SGCD: variants seen among roughly 807,000 people sequenced by gnomAD.
The protein encoded by SGCD is sarcoglycan delta.
SGCD carries 18 observed loss-of-function variants against 36.6 expected under a neutral mutation model. That is an observed-to-expected ratio of 0.49 (90% CI 0.34 to 0.73). The LOEUF (loss-of-function observed/expected upper bound fraction) is 0.73, where lower values mean the gene tolerates loss of function less well. Ranked by LOEUF, SGCD falls within the 30% of genes least tolerant of loss-of-function variation. The pLI is 0.01. For synonymous variants in SGCD, 133 were observed against 130.6 expected (o/e 1.02, Z -0.12); for missense variants, 387 against 346.7 (o/e 1.12, Z -0.92).
chr5:156,334,515 C>T (rs1768225725), intron 2 of SGCD, among the ~76,000 whole-genome samples: 1 of 151,508 alleles, frequency 6.6e-6, no homozygotes, highest in Admixed American at 6.6e-5. Flanking sequence ...AGTCTTTGTT[C>T]AACTATAGCC....
At chr5:156,737,258 A>T (rs1429605926) in intron 7 of SGCD, among the ~76,000 whole-genome samples, 4 of 152,082 alleles carry the variant, frequency 2.6e-5, no homozygotes, top group Non-Finnish European at 4.4e-5. Context: ...AAATAGTGGC[A>T]GTTTTCAGGT....
intron 4 of SGCD, among the ~76,000 whole-genome samples, chr5:156,540,304 CTT>C (rs1270375033): frequency 3.3e-5 from 5 of 152,042 alleles, no homozygotes; most frequent in Non-Finnish European, 5.9e-5. Flanking sequence ...TTATTTGTCA[CTT>C]ATTTTTTTTA....
At chr5:156,653,320 G>A (rs1763535219) in intron 7 of SGCD, among the ~76,000 whole-genome samples, 1 of 151,718 alleles carries the variant, frequency 6.6e-6, no homozygotes, top group Admixed American at 6.6e-5. Flanking sequence ...ATTCAACCTT[G>A]GGAGGTTGTG....
At chr5:155,888,603 A>G (rs1467740258) in intron 1 of SGCD, among the ~76,000 whole-genome samples, 1 of 152,198 alleles carries the variant, frequency 6.6e-6, no homozygotes, top group Non-Finnish European at 1.5e-5. Flanking sequence ...AAAAAAGTAT[A>G]TGATCGAATG....
At chr5:156,694,925 G>A (rs1754247943) in intron 7 of SGCD, among the ~76,000 whole-genome samples, 1 of 152,104 alleles carries the variant, frequency 6.6e-6, no homozygotes, top group Non-Finnish European at 1.5e-5. Context: ...TCTCATCCTA[G>A]AGAGAAACTG....
chr5:155,922,867 A>G (rs1403931036), intron 1 of SGCD, among the ~76,000 whole-genome samples: 2 of 152,212 alleles, frequency 1.3e-5, no homozygotes, highest in African/African-American at 4.8e-5. Flanking sequence ...AAATCACCAG[A>G]AGCTCCAGCC....
chr5:156,530,174 A>C (rs999295038), intron 4 of SGCD, among the ~76,000 whole-genome samples: 1 of 152,214 alleles, frequency 6.6e-6, no homozygotes, highest in Non-Finnish European at 1.5e-5. Flanking sequence ...AAAAATAGCA[A>C]CACTCTCCAG....
At chr5:156,069,804 G>A (rs1048356701) in intron 1 of SGCD, among the ~76,000 whole-genome samples, 7 of 151,796 alleles carry the variant, frequency 4.6e-5, no homozygotes, top group Admixed American at 3.9e-4. Context: ...CTTTTATTTT[G>A]TTGAGCAGTG....
chr5:156,620,286 T>C (rs151005629), intron 6 of SGCD, among the ~76,000 whole-genome samples: 104 of 152,348 alleles, frequency 6.8e-4, no homozygotes, highest in Middle Eastern at 6.8e-3. Flanking sequence ...GTTTTCCTTC[T>C]ACATATTACT....
intron 2 of SGCD, among the ~76,000 whole-genome samples, chr5:156,344,268 C>A (rs541782172): frequency 1.3e-5 from 2 of 152,248 alleles, no homozygotes; most frequent in African/African-American, 4.8e-5. Flanking sequence ...TGTATCAGTG[C>A]ACATCAGAAG....
chr5:156,502,246 C>A (rs536436877), intron 3 of SGCD, among the ~76,000 whole-genome samples: 1 of 152,074 alleles, frequency 6.6e-6, no homozygotes, highest in African/African-American at 2.4e-5. Flanking sequence ...CAGGGTTTCA[C>A]CATGTTAGCC....
chr5:156,555,225 G>C (rs1287834529), intron 4 of SGCD, among the ~76,000 whole-genome samples: 1 of 152,054 alleles, frequency 6.6e-6, no homozygotes, highest in African/African-American at 2.4e-5. Flanking sequence ...TATTTTTGAT[G>C]AAGTCCAATT....
chr5:156,281,441 C>T (rs1766450317), intron 3 of SGCD, among the ~76,000 whole-genome samples: 1 of 152,088 alleles, frequency 6.6e-6, no homozygotes, highest in African/African-American at 2.4e-5. Context: ...TCCTGTGTGC[C>T]TGTGTGTGGA....
At chr5:156,010,241 C>A (rs1030922648) in intron 1 of SGCD, among the ~76,000 whole-genome samples, 2 of 152,114 alleles carry the variant, frequency 1.3e-5, no homozygotes, top group East Asian at 1.9e-4. Flanking sequence ...CAATTAAAAT[C>A]TCTGTTGATT....
the SGCD span, among the ~76,000 whole-genome samples, chr5:155,775,814 G>C: frequency 6.6e-6 from 1 of 152,110 alleles, no homozygotes; most frequent in African/African-American, 2.4e-5. Flanking sequence ...TTCCCTCAGG[G>C]AGCTTATGAT....
At chr5:156,737,834 A>G (rs1159420085) in intron 7 of SGCD, among the ~76,000 whole-genome samples, 1 of 152,172 alleles carries the variant, frequency 6.6e-6, no homozygotes, top group Non-Finnish European at 1.5e-5. Context: ...TTCAATTGCT[A>G]GTCCAACCCT....
At chr5:156,204,110 G>T (rs1047527358) in intron 3 of SGCD, among the ~76,000 whole-genome samples, 3 of 152,066 alleles carry the variant, frequency 2.0e-5, no homozygotes, top group Non-Finnish European at 2.9e-5. Flanking sequence ...AAAGCCAAGA[G>T]TGTGGTTGTG....
chr5:155,884,413 C>T (rs539441092), intron 1 of SGCD, among the ~76,000 whole-genome samples: 58 of 152,314 alleles, frequency 3.8e-4, no homozygotes, highest in Admixed American at 1.2e-3. Context: ...ATTTAACTTT[C>T]AGCAGTAAGT....
chr5:156,084,994 T>C (rs1348804540), intron 1 of SGCD, among the ~76,000 whole-genome samples: 1 of 152,228 alleles, frequency 6.6e-6, no homozygotes, highest in Admixed American at 6.5e-5. Context: ...TTACACAGAT[T>C]AATTTTTGAA....
Sources: allele counts gnomAD v4.1 joint callset (sites outside exome capture counted in the v4.1 genomes callset), GRCh38; gene constraint gnomAD v4.1.1; transcripts MANE v1.5; gene names NCBI Gene and HGNC (gene_info 2026-07-23, HGNC 2026-07-21).